Variants in CCDC33 observed in about 807,000 individuals in gnomAD.
The protein encoded by CCDC33 is coiled-coil domain containing 33, also known as coiled-coil domain-containing protein 33.
A neutral mutation model predicts 91.9 loss-of-function variants in CCDC33; 94 were observed. The ratio of observed to expected loss-of-function variants is 1.02; its 90% CI spans 0.87 to 1.21. The LOEUF (loss-of-function observed/expected upper bound fraction) is 1.21. Ranked by LOEUF, CCDC33 falls within the 50% of genes most tolerant of loss-of-function variation. CCDC33 has a pLI of 0.00. For synonymous variants in CCDC33, 396 were observed against 374.5 expected (o/e 1.06, Z -0.66); for missense variants, 940 against 935.5 (o/e 1.00, Z -0.06).
chr15:74,330,412 G>T, intron 12 of CCDC33, 58 bp downstream of exon 12: 1 of 1,486,856 alleles, frequency 6.7e-7, no homozygotes. Flanking sequence ...CAGGCTCCAG[G>T]TTGTGCAATA....
At chr15:74,335,806 A>T in intron 18 of CCDC33, 119 bp from the exon 19 acceptor site, 1 of 770,442 alleles carries the variant, frequency 1.3e-6, no homozygotes, top group Non-Finnish European at 2.2e-6. Context: ...AATCTTTGCC[A>T]GGTCATGGCC....
intron 2 of CCDC33, among the ~76,000 whole-genome samples, chr15:74,227,051 G>A (rs1006281814): frequency 2.0e-5 from 3 of 152,152 alleles, no homozygotes; most frequent in Non-Finnish European, 4.4e-5. Context: ...GGCCAGGCTG[G>A]CAGAGGTGGA....
intron 1 of CCDC33, among the ~76,000 whole-genome samples, chr15:74,241,341 A>T (rs996772873): frequency 6.6e-6 from 1 of 152,180 alleles, no homozygotes; most frequent in Admixed American, 6.5e-5. Context: ...CAGGCAAGCC[A>T]AGGGAAGTAG....
chr15:74,222,213 TC>T (rs1331011490), intron 2 of CCDC33, among the ~76,000 whole-genome samples: 1 of 152,162 alleles, frequency 6.6e-6, no homozygotes, highest in Non-Finnish European at 1.5e-5. Flanking sequence ...TCCCTGAAAG[TC>T]TACTGACAGT....
At chr15:74,222,944 A>G (rs1038164964) in intron 2 of CCDC33, among the ~76,000 whole-genome samples, 1 of 151,746 alleles carries the variant, frequency 6.6e-6, no homozygotes, top group Non-Finnish European at 1.5e-5. Flanking sequence ...TTTTAAATTC[A>G]TTATGCCTTT....
intron 11 of CCDC33, chr15:74,301,086 C>T (rs1247213815): frequency 1.3e-5 from 2 of 152,168 alleles, no homozygotes; most frequent in African/African-American, 2.4e-5. Flanking sequence ...AAGAGGTGAG[C>T]CTTTAAGTGA....
intron 1 of CCDC33, among the ~76,000 whole-genome samples, chr15:74,238,574 A>G (rs903152337): frequency 6.6e-6 from 1 of 151,994 alleles, no homozygotes; most frequent in South Asian, 2.1e-4. Flanking sequence ...TGCAGCAAAC[A>G]TTTTCTCCTT....
At chr15:74,315,800 C>T (rs1596103253) in intron 11 of CCDC33, among the ~76,000 whole-genome samples, 1 of 152,240 alleles carries the variant, frequency 6.6e-6, no homozygotes, top group Non-Finnish European at 1.5e-5. Flanking sequence ...CAGGAAGTGG[C>T]TGGCGTGGGA....
In CCDC33 at chr15:74,223,772, A is replaced by G. The variant is rs2074693208; in HGVS notation, c.675+4911A>G. On this transcript the variant is annotated intron_variant, in intron 2 of 2. Coordinates refer to the CCDC33 transcript ENST00000635913. ...CACACACACACACACACACGCAAGC[A>G]TGCACACACACACACACACACACAG... is the stretch of plus-strand genomic sequence containing the variant. Among the ~76,000 whole-genome samples, 3 of 67,570 alleles carry G rather than the reference A, an allele frequency of 4.4e-5. No homozygotes were observed. In the Admixed American group the frequency reaches 6.2e-4, roughly 14 times the overall value. 44.3% of individuals were successfully genotyped at this position (67,570 alleles called of 152,430 possible). A position where few individuals can be genotyped will look rare whatever the true frequency, so the allele number is the denominator to read the frequency against.
chr15:74,213,980 C>T (rs2074391728), upstream of CCDC33, among the ~76,000 whole-genome samples: 1 of 152,160 alleles, frequency 6.6e-6, no homozygotes, highest in African/African-American at 2.4e-5. Context: ...TGAGTCCCAG[C>T]CCCAGATCCT....
intron 11 of CCDC33, among the ~76,000 whole-genome samples, chr15:74,327,112 C>T (rs1296349505): frequency 6.6e-6 from 1 of 152,088 alleles, no homozygotes. Flanking sequence ...GGCCGAGATC[C>T]CTCTCCATGC....
At chr15:74,309,362 T>A (rs1028227194) in intron 11 of CCDC33, among the ~76,000 whole-genome samples, 1 of 152,132 alleles carries the variant, frequency 6.6e-6, no homozygotes, top group Non-Finnish European at 1.5e-5. Context: ...GTGCCTGGCG[T>A]GCAGTGGGTG....
At chr15:74,223,764 A>ACG (rs1555460825) in intron 2 of CCDC33, among the ~76,000 whole-genome samples, 6 of 92,790 alleles carry the variant, frequency 6.5e-5, no homozygotes, top group African/African-American at 8.4e-5. Flanking sequence ...ACACACACAC[A>ACG]CGCAAGCATG....
At chr15:74,217,721 T>G (rs940061748) in intron 1 of CCDC33, 1 of 667,842 alleles carries the variant, frequency 1.5e-6, no homozygotes, top group Admixed American at 4.5e-5. Flanking sequence ...GCTCTGCCGG[T>G]GTGACCTTGG....
Position 74,280,684 on chromosome 15 carries a change from G to A in CCDC33, c.906G>A (p.Pro302=), listed in dbSNP as rs747178557. The part of the protein sequence containing the change: ...YSSTSMKGSQ[P]WTLNQPLGIS... ...CCCCCACAGTGAAAGGCAGCCAGCC[G>A]TGGACCCTCAACCAGCCCCTGGGCA... The change falls in exon 9 of 19, where the codon CCG becomes CCA. Residue 302 remains proline, a synonymous_variant. Transcript: ENST00000398814. The A allele has an allele frequency of 3.0e-5, 45 of 1,514,240 alleles. No individual in the cohort carries two copies. The highest frequency in any genetic ancestry group is 2.2e-4 in the Admixed American group (10 of 45,838). The allele number at this position is 1,514,240 out of a possible 1,614,324, so 93.8% of individuals were successfully genotyped here.
chr15:74,288,963 A>C (rs900542986), intron 10 of CCDC33, among the ~76,000 whole-genome samples: 1 of 152,218 alleles, frequency 6.6e-6, no homozygotes. Flanking sequence ...CAGGTAACCT[A>C]GCACAGTGTC....
chr15:74,299,870 CT>C (rs2059758749), intron 11 of CCDC33: 1 of 152,420 alleles, frequency 6.6e-6, no homozygotes, highest in Non-Finnish European at 1.5e-5. Flanking sequence ...TCTCACTCAC[CT>C]TCTCGCTCTC....
intron 1 of CCDC33, among the ~76,000 whole-genome samples, chr15:74,242,590 G>A (rs1397738197): frequency 6.6e-6 from 1 of 152,266 alleles, no homozygotes; most frequent in East Asian, 1.9e-4. Context: ...AGCCAGGAGT[G>A]CCCCTCTATG....
chr15:74,322,559 A>T (rs918288119), intron 11 of CCDC33, among the ~76,000 whole-genome samples: 1 of 152,216 alleles, frequency 6.6e-6, no homozygotes, highest in Non-Finnish European at 1.5e-5. Flanking sequence ...CTCTGGTCCC[A>T]ATATCAGAAC....
Sources: allele counts gnomAD v4.1 joint callset (sites outside exome capture counted in the v4.1 genomes callset), GRCh38; gene constraint gnomAD v4.1.1; transcripts MANE v1.5; gene names NCBI Gene and HGNC (gene_info 2026-07-23, HGNC 2026-07-21).